Variants in LPP observed in about 807,000 individuals in gnomAD.
LPP encodes the protein lipoma-preferred partner.
Under a neutral mutation model 60.4 loss-of-function variants are expected in LPP, and 38 were observed. The ratio of observed to expected loss-of-function variants is 0.63; its 90% CI spans 0.49 to 0.83. The LOEUF (loss-of-function observed/expected upper bound fraction) is 0.83. LPP is among the 40% of genes least tolerant of loss of function. The probability of loss-of-function intolerance (pLI) is 0.00; values close to 1 mark genes in which losing one functional copy is unlikely to be tolerated. For synonymous variants in LPP, 328 were observed against 290.8 expected (o/e 1.13, Z -1.30); for missense variants, 902 against 783.6 (o/e 1.15, Z -1.80).
At chr3:188,637,831 G>C (rs1389153299) in intron 7 of LPP, among the ~76,000 whole-genome samples, 1 of 152,078 alleles carries the variant, frequency 6.6e-6, no homozygotes, top group South Asian at 2.1e-4. Flanking sequence ...TTGAATCTCT[G>C]AATAGACCAA....
chr3:188,499,466 C>G (rs553117038), intron 5 of LPP, among the ~76,000 whole-genome samples: 3 of 152,076 alleles, frequency 2.0e-5, no homozygotes, highest in Non-Finnish European at 4.4e-5. Context: ...TGGACTGTCT[C>G]TTATGTGTTA....
At chr3:188,792,786 T>C (rs1744180289) in intron 9 of LPP, among the ~76,000 whole-genome samples, 2 of 152,264 alleles carry the variant, frequency 1.3e-5, no homozygotes, top group South Asian at 4.2e-4. Flanking sequence ...CTCTGCTCAG[T>C]CACCCACCCT....
chr3:188,284,973 T>C lies in LPP; in HGVS notation c.-66-56690T>C, dbSNP rs140782267. On this transcript the variant is annotated intron_variant, in intron 2 of 11. Coordinates refer to ENST00000617246, the MANE Select transcript of LPP (RefSeq NM_001375462.1). ...GAGCTGACTTTCTGCTCTGGTTGTT[T>C]ACTGAAAAATGGTAGCACTGGCAAT... is the stretch of plus-strand genomic sequence containing the variant. Among the ~76,000 whole-genome samples, 250 of 152,126 alleles carry C rather than the reference T, an allele frequency of 1.6e-3. 2 individuals are homozygous for C. Among genetic ancestry groups the C allele is most frequent in the African/African-American group, 3.6e-3 (149 of 41,494 alleles).
chr3:188,796,258 G>A (rs922543987), intron 9 of LPP, among the ~76,000 whole-genome samples: 11 of 152,178 alleles, frequency 7.2e-5, no homozygotes, highest in Admixed American at 2.6e-4. Flanking sequence ...AGACAGTGCA[G>A]CACGCTGATT....
At chr3:188,462,544 T>TTTTATA (rs1176072715) in intron 4 of LPP, among the ~76,000 whole-genome samples, 7 of 34,188 alleles carry the variant, frequency 2.0e-4, no homozygotes, top group Admixed American at 1.7e-3. Flanking sequence ...TATATGAGCT[T>TTTTATA]TATATATATA....
At position 188,820,856 on chromosome 3, in the gene LPP, G is replaced by A. The variant is rs544221991; in HGVS notation, c.1411-45344G>A. ...CATCGTTATACCTTGGCTTTTATAA[G>A]AAGTTAGTATACGAAACTTGTATAG... On this transcript the variant is annotated intron_variant, in intron 9 of 11. Transcript: ENST00000617246. 2.6e-5 allele frequency among the ~76,000 whole-genome samples: 4 copies of A among 152,100 alleles called. No homozygotes were observed. The South Asian group carries it at 8.3e-4, about 32-fold the overall frequency.
At chr3:188,430,844 ATT>A (rs199875917) in intron 4 of LPP, among the ~76,000 whole-genome samples, 1 of 149,644 alleles carries the variant, frequency 6.7e-6, no homozygotes, top group African/African-American at 2.5e-5. Context: ...CAACATTGAG[ATT>A]TTTTTTTTAT....
At chr3:188,714,285 C>T (rs1712874025) in intron 8 of LPP, among the ~76,000 whole-genome samples, 1 of 152,148 alleles carries the variant, frequency 6.6e-6, no homozygotes, top group Non-Finnish European at 1.5e-5. Context: ...AAGTTATGAT[C>T]TTCAAGTGAG....
intron 3 of LPP, among the ~76,000 whole-genome samples, chr3:188,404,759 G>T (rs953193930): frequency 6.6e-6 from 1 of 152,196 alleles, no homozygotes; most frequent in Non-Finnish European, 1.5e-5. Context: ...GGAGGTAATT[G>T]TGTAGCCCTC....
intron 4 of LPP, among the ~76,000 whole-genome samples, chr3:188,407,789 T>TTTG (rs1553889489): frequency 1.0e-3 from 14 of 14,060 alleles, no homozygotes; most frequent in African/African-American, 2.1e-3. Context: ...TGTTTGTTTG[T>TTTG]TTTTTTTTTT....
At chr3:188,779,230 G>A (rs1217844267) in intron 9 of LPP, among the ~76,000 whole-genome samples, 1 of 152,162 alleles carries the variant, frequency 6.6e-6, no homozygotes, top group East Asian at 1.9e-4. Context: ...AGTACCTGAT[G>A]ATAGTGTGCT....
chr3:188,439,425 G>A (rs941711724), intron 4 of LPP, among the ~76,000 whole-genome samples: 2 of 152,206 alleles, frequency 1.3e-5, no homozygotes, highest in Non-Finnish European at 2.9e-5. Flanking sequence ...CCTTGGCAGA[G>A]AGTAAAACAA....
At chr3:188,178,994 A>AAG (rs374762580) in intron 1 of LPP, 20 of 268,826 alleles carry the variant, frequency 7.4e-5, no homozygotes, top group East Asian at 2.3e-4. Context: ...GAGCACGACA[A>AAG]AGAGAGAGAG....
intron 7 of LPP, among the ~76,000 whole-genome samples, chr3:188,640,159 A>C (rs1849751968): frequency 1.3e-5 from 2 of 149,954 alleles, no homozygotes; most frequent in African/African-American, 4.9e-5. Context: ...AAAATGTGGC[A>C]CATATACACC....
At position 188,752,977 on chromosome 3, in the gene LPP, T is replaced by C. The variant is rs371659297; in HGVS notation, c.1241-7136T>C. On this transcript the variant is annotated intron_variant, in intron 8 of 11. Coordinates refer to ENST00000617246, the MANE Select transcript of LPP (RefSeq NM_001375462.1). ...GCTTGTGGGGATGGAGAAGTGATGC[T>C]GGACTGGCCCTTCCTCTTTCCCTGC... Among the ~76,000 whole-genome samples, 8 of 152,340 alleles carry C rather than the reference T, an allele frequency of 5.3e-5. No individual in the cohort carries two copies. The East Asian group carries it at 1.4e-3, about 26-fold the overall frequency.
In LPP at chr3:188,272,851, T is replaced by C. The variant is rs144114647; in HGVS notation, c.-67+47324T>C. ...ACTATGACTAATCCTTTGGGGAGTA[T>C]GATATGTGACATAGGCGTATAAGGG... is the stretch of plus-strand genomic sequence containing the variant. On this transcript the variant is annotated intron_variant, in intron 2 of 11. Coordinates refer to ENST00000617246, the MANE Select transcript of LPP (RefSeq NM_001375462.1). Among the ~76,000 whole-genome samples the C allele has an allele frequency of 4.5e-3, 681 of 152,278 alleles. 5 individuals are homozygous for C. Among genetic ancestry groups the C allele is most frequent in the African/African-American group, 0.016 (658 of 41,546 alleles).
chr3:188,238,639 C>T (rs1722739593), intron 2 of LPP, among the ~76,000 whole-genome samples: 1 of 152,150 alleles, frequency 6.6e-6, no homozygotes, highest in Non-Finnish European at 1.5e-5. Context: ...GCAGTCAGAA[C>T]ACACCTATTT....
chr3:188,854,600 T>C (rs535560684), intron 9 of LPP, among the ~76,000 whole-genome samples: 2 of 152,344 alleles, frequency 1.3e-5, no homozygotes, highest in South Asian at 4.1e-4. Flanking sequence ...TCAACTGATC[T>C]CTAGAGAATT....
In LPP at chr3:188,878,230, C is replaced by A; in HGVS notation, c.*3751C>A. On this transcript the variant is annotated 3_prime_UTR_variant, in exon 12 of 12. Coordinates refer to ENST00000617246, the MANE Select transcript of LPP (RefSeq NM_001375462.1). Reference sequence around the variant, plus strand: ...ATGGTTTGGGCTTCTCTTGTCAAATCTGTGTCGGCTGCCCCCTGATCCTTC... The same window carrying A: ...ATGGTTTGGGCTTCTCTTGTCAAATATGTGTCGGCTGCCCCCTGATCCTTC... The A allele has an allele frequency of 4.6e-6, 1 of 217,736 alleles. No individual in the cohort carries two copies. Among genetic ancestry groups the A allele is most frequent in the East Asian group, 6.8e-5 (1 of 14,748 alleles). The allele number at this position is 217,736 out of a possible 1,614,324, so 13.5% of individuals were successfully genotyped here.
Sources: gnomAD v4.1 joint callset for allele counts (sites outside exome capture counted in the v4.1 genomes callset) on GRCh38, gnomAD v4.1.1 for gene constraint, MANE v1.5 for transcripts, NCBI Gene and HGNC (gene_info 2026-07-23, HGNC 2026-07-21) for gene names.